Variants in UBE2Q1 observed in about 807,000 individuals in gnomAD.
UBE2Q1 encodes ubiquitin conjugating enzyme E2 Q1.
A neutral mutation model predicts 60.1 loss-of-function variants in UBE2Q1; 6 were observed. The ratio of observed to expected loss-of-function variants is 0.10; its 90% CI spans 0.05 to 0.20. The LOEUF (loss-of-function observed/expected upper bound fraction) is 0.20, where lower values mean the gene tolerates loss of function less well. Among genes scored for constraint, UBE2Q1 ranks in the 10% least tolerant of loss-of-function variants. The pLI is 1.00. For synonymous variants in UBE2Q1, 226 were observed against 208.3 expected, an observed-to-expected ratio of 1.09 and a Z score of -0.73; for missense variants, 262 against 525.8, an observed-to-expected ratio of 0.50 and a Z score of 4.91.
rs1695750232 is a variant in UBE2Q1 at position 154,549,230 on chromosome 1, C to T, written c.*1208G>A. 1 of 152,312 alleles carries T rather than the reference C, an allele frequency of 6.6e-6. No homozygotes were observed. Among genetic ancestry groups the T allele is most frequent in the East Asian group, 1.9e-4 (1 of 5,194 alleles). The allele number at this position is 152,312 out of a possible 1,614,324, so 9.4% of individuals were successfully genotyped here. A position where few individuals can be genotyped will look rare whatever the true frequency, so the allele number is the denominator to read the frequency against. On this transcript the variant is annotated 3_prime_UTR_variant, in exon 13 of 13. Coordinates refer to ENST00000292211, the MANE Select transcript of UBE2Q1 (RefSeq NM_017582.7). The stretch of plus-strand genomic sequence containing the variant: ...TACATACAACACAGCACTGACAGTT[C>T]CATCTCAGTACAGACTCCCCACCTC...
rs146924404 is a variant in UBE2Q1 at position 154,550,859 on chromosome 1, G to A, written c.1237+79C>T. The A allele has an allele frequency of 2.6e-5, 42 of 1,611,344 alleles. No individual in the cohort carries two copies. The African/African-American group carries it at 5.3e-4, about 20-fold the overall frequency. ...TTGAGTATCAGAAACCAAAAGAAGG[G>A]GTTCTTGCTCTGTGGCTGGAAGTGA... is the stretch of plus-strand genomic sequence containing the variant. On this transcript the variant is annotated intron_variant, in intron 12 of 12. Coordinates refer to ENST00000292211, the MANE Select transcript of UBE2Q1 (RefSeq NM_017582.7).
rs1271577962 is a variant in UBE2Q1 at position 154,558,455 on chromosome 1, C to T, written c.99G>A (p.Gly33=). ...TCAGGCAGGGCCCCGGCCCCGGGCC[C>T]CCCCCTGGGCCGCCCCCGGCCCCCG... ...AAPGAGGGPG[G]GPGPGPCLRR... The change falls in exon 1 of 13, where the codon GGG becomes GGA. Residue 33 remains glycine (G), a synonymous_variant. Coordinates refer to ENST00000292211, the MANE Select transcript of UBE2Q1 (RefSeq NM_017582.7). 4 of 1,387,724 alleles carry T rather than the reference C, an allele frequency of 2.9e-6. No individual in the cohort carries two copies. The highest frequency in any genetic ancestry group is 3.1e-5 in the East Asian group (1 of 32,396). The allele number at this position is 1,387,724 out of a possible 1,614,324, so 86.0% of individuals were successfully genotyped here.
rs551148312 is a variant in UBE2Q1 at position 154,551,762 on chromosome 1, C to T, written c.1074+9G>A. 5.6e-6 allele frequency: 9 copies of T among 1,614,206 alleles called. No individual in the cohort carries two copies. In the Admixed American group the frequency reaches 1.3e-4, roughly 24 times the overall value. On this transcript the variant is annotated intron_variant, in intron 10 of 12. Transcript: ENST00000292211. Reference sequence around the variant, plus strand: ...GGCCGGCCTGGCCAAGGAGGAGAGACAGGCTCACCTGTTTGGTGAGAAGTT... The same window carrying T: ...GGCCGGCCTGGCCAAGGAGGAGAGATAGGCTCACCTGTTTGGTGAGAAGTT...
intron 2 of UBE2Q1, 116 bp downstream of exon 2, chr1:154,555,744 C>A (rs1234052102): frequency 2.0e-6 from 2 of 1,018,148 alleles, no homozygotes; most frequent in Admixed American, 2.2e-5. Flanking sequence ...CCCGAGAGGT[C>A]ATCCCCTAAA....
intron 8 of UBE2Q1, 49 bp from the exon 9 acceptor site, chr1:154,552,028 A>G (rs1695797815): frequency 1.2e-6 from 2 of 1,613,458 alleles, no homozygotes; most frequent in Non-Finnish European, 1.7e-6. Flanking sequence ...AGCATCCTCC[A>G]CAGGACTGTC....
chr1:154,552,575 C>T lies in UBE2Q1; in HGVS notation c.815-111G>A, dbSNP rs1025434749. Reference sequence around the variant, plus strand: ...AAAAAGATCAACAGCTCTAGGTTCACCACAGATGGACATGCAACCAAGCCA... The same window carrying T: ...AAAAAGATCAACAGCTCTAGGTTCATCACAGATGGACATGCAACCAAGCCA... On this transcript the variant is annotated intron_variant, in intron 6 of 12. Transcript: ENST00000292211. 9 of 1,467,590 alleles carry T rather than the reference C, an allele frequency of 6.1e-6. No homozygotes were observed. The Admixed American group carries it at 1.1e-4, about 19-fold the overall frequency. The allele number at this position is 1,467,590 out of a possible 1,614,324, so 90.9% of individuals were successfully genotyped here. A position where few individuals can be genotyped will look rare whatever the true frequency, so the allele number is the denominator to read the frequency against.
In UBE2Q1 at chr1:154,558,477, C is replaced by A; in HGVS notation, c.77G>T (p.Gly26Val). 7.8e-7 allele frequency: 1 copy of A among 1,279,864 alleles called. No individual in the cohort carries two copies. Among genetic ancestry groups the A allele is most frequent in the South Asian group, 2.4e-5 (1 of 41,004 alleles). The allele number at this position is 1,279,864 out of a possible 1,614,324, so 79.3% of individuals were successfully genotyped here. A position where few individuals can be genotyped will look rare whatever the true frequency, so the allele number is the denominator to read the frequency against. The change falls in exon 1 of 13, where the codon GGG becomes GTG. Residue 26 changes from glycine (G) to valine (V), a missense_variant. Gly to Val is a moderately radical substitution (Grantham distance 109, BLOSUM62 -3). Coordinates refer to ENST00000292211, the MANE Select transcript of UBE2Q1 (RefSeq NM_017582.7). ...GCCCCCCCCTGGGCCGCCCCCGGCC[C>A]CCGGCGCCGCCCCCTGGCCCCCCAG... ...QQLGGQGAAPGAGGGPGGGPG... is the reference protein window; with the variant it reads ...QQLGGQGAAPVAGGGPGGGPG...
chr1:154,550,281 G>A lies in UBE2Q1; in HGVS notation c.*157C>T, dbSNP rs1571006185. On this transcript the variant is annotated 3_prime_UTR_variant, in exon 13 of 13. Transcript: ENST00000292211. ...TCTGTGTTTGTTTTTTTTCCTTAGC[G>A]TTTAGAATAGCCATCATTGTCCTGC... The A allele has an allele frequency of 2.0e-6, 2 of 1,002,222 alleles. No homozygotes were observed. The highest frequency in any genetic ancestry group is 3.0e-6 in the Non-Finnish European group (2 of 668,056). 62.1% of individuals were successfully genotyped at this position (1,002,222 alleles called of 1,614,324 possible). A position where few individuals can be genotyped will look rare whatever the true frequency, so the allele number is the denominator to read the frequency against.
chr1:154,555,559 CA>C, intron 2 of UBE2Q1, 27 bp from the exon 3 acceptor site: 1 of 1,599,186 alleles, frequency 6.3e-7, no homozygotes, highest in African/African-American at 1.3e-5. Context: ...ACAGAGACAT[CA>C]AATCCTTCCC....
At chr1:154,551,289 CG>C (rs1695787487) in intron 11 of UBE2Q1, 107 bp downstream of exon 11, 3 of 1,202,554 alleles carry the variant, frequency 2.5e-6, no homozygotes, top group Non-Finnish European at 3.6e-6. Context: ...GCCACCAGCC[CG>C]GGGGCCTTAT....
intron 1 of UBE2Q1, among the ~76,000 whole-genome samples, chr1:154,557,162 A>G (rs1330458705): frequency 1.3e-5 from 2 of 152,222 alleles, no homozygotes; most frequent in Admixed American, 6.5e-5. Flanking sequence ...GAGAAAACGG[A>G]CAGAAAACAC....
chr1:154,552,442 C>T lies in UBE2Q1; in HGVS notation c.837G>A (p.Val279=). The T allele has an allele frequency of 1.2e-6, 2 of 1,614,234 alleles. No homozygotes were observed. The highest frequency in any genetic ancestry group is 1.7e-6 in the Non-Finnish European group (2 of 1,180,046). The change falls in exon 7 of 13, where the codon GTG becomes GTA. Residue 279 remains valine (V), a synonymous_variant. Transcript: ENST00000292211. ...CATTCCAATCATACAGACTGTCATTCACGAGTTCGACTGCATAGTTTCCTG... is the reference window on the plus strand; with the variant it reads ...CATTCCAATCATACAGACTGTCATTTACGAGTTCGACTGCATAGTTTCCTG... The part of the protein sequence containing the change: ...FKGGNYAVEL[V]NDSLYDWNVK...
At chr1:154,555,994 A>T in intron 1 of UBE2Q1, 30 bp from the exon 2 acceptor site, 3 of 1,600,348 alleles carry the variant, frequency 1.9e-6, no homozygotes, top group Non-Finnish European at 2.6e-6. Flanking sequence ...AAGAGCAATC[A>T]AAATGGGTGA....
intron 1 of UBE2Q1, 108 bp downstream of exon 1, chr1:154,558,119 G>A (rs1238753071): frequency 2.3e-6 from 2 of 883,364 alleles, no homozygotes; most frequent in Non-Finnish European, 3.3e-6. Context: ...ACTGAGCCCT[G>A]AGAGGGGCTT....
At chr1:154,552,237 T>C in intron 7 of UBE2Q1, 54 bp from the exon 8 acceptor site, 1 of 1,605,598 alleles carries the variant, frequency 6.2e-7, no homozygotes, top group Non-Finnish European at 8.5e-7. Flanking sequence ...AGGAGCTTCA[T>C]AAGGGCTCCC....
chr1:154,551,161 G>T, intron 11 of UBE2Q1, 157 bp from the exon 12 acceptor site: 1 of 933,912 alleles, frequency 1.1e-6, no homozygotes, highest in Non-Finnish European at 1.6e-6. Flanking sequence ...GTCCCTTGGA[G>T]GCATAATCCC....
In UBE2Q1 at chr1:154,553,157, C is replaced by G; in HGVS notation, c.604G>C (p.Asp202His). Residue 202 changes from aspartate (D) to histidine (H), a missense_variant, in exon 5 of 13, where the codon GAT becomes CAT. Transcript: ENST00000292211. ...TCTTCCTCTTTCATTTCATAGTGAT[C>G]TAAGTCTTCTGTGTCCTGGAGGAGG... is the stretch of plus-strand genomic sequence containing the variant. ...EEMPEDTEDL[D>H]HYEMKEEEPA... is the part of the protein sequence containing the mutation. 1 of 1,613,158 alleles carries G rather than the reference C, an allele frequency of 6.2e-7. No homozygotes were observed. Among genetic ancestry groups the G allele is most frequent in the Non-Finnish European group, 8.5e-7 (1 of 1,179,980 alleles).
intron 2 of UBE2Q1, 119 bp from the exon 3 acceptor site, chr1:154,555,651 C>T: frequency 9.7e-7 from 1 of 1,034,606 alleles, no homozygotes; most frequent in Non-Finnish European, 1.5e-6. Context: ...CCTTATGGGC[C>T]ACGTGGCTGT....
In UBE2Q1 at chr1:154,552,430, C is replaced by G. The variant is rs1157209668; in HGVS notation, c.849G>C (p.Leu283=). ...NYAVELVNDS[L]YDWNVKLLKV... The stretch of plus-strand genomic sequence containing the variant: ...TGAGGAGTTTGACATTCCAATCATA[C>G]AGACTGTCATTCACGAGTTCGACTG... The change falls in exon 7 of 13, where the codon CTG becomes CTC. Residue 283 remains leucine, a synonymous_variant. Transcript: ENST00000292211. 2 of 1,614,232 alleles carry G rather than the reference C, an allele frequency of 1.2e-6. No homozygotes were observed. The highest frequency in any genetic ancestry group is 1.1e-5 in the South Asian group (1 of 91,078).
Sources: allele counts gnomAD v4.1 joint callset (sites outside exome capture counted in the v4.1 genomes callset), GRCh38; gene constraint gnomAD v4.1.1; transcripts MANE v1.5; gene names NCBI Gene and HGNC (gene_info 2026-07-23, HGNC 2026-07-21).